The following CDH20 variants were observed in gnomAD, a reference collection of about 807,000 sequenced individuals.
CDH20 encodes cadherin-20.
A neutral mutation model predicts 74.2 loss-of-function variants in CDH20; 29 were observed. The ratio of observed to expected loss-of-function variants is 0.39; its 90% confidence interval spans 0.29 to 0.53. CDH20 has a LOEUF of 0.53. Among genes scored for constraint, CDH20 ranks in the 20% least tolerant of loss-of-function variants. The probability of loss-of-function intolerance (pLI) is 0.69; values close to 1 mark genes in which losing one functional copy is unlikely to be tolerated. For synonymous variants in CDH20, 469 were observed against 405.4 expected, an observed-to-expected ratio of 1.16 and a Z score of -1.88; for missense variants, 988 against 1,048.3, an observed-to-expected ratio of 0.94 and a Z score of 0.79.
intron 1 of CDH20, among the ~76,000 whole-genome samples, chr18:61,451,674 G>C (rs539010556): frequency 6.6e-6 from 1 of 152,078 alleles, no homozygotes; most frequent in East Asian, 1.9e-4. Flanking sequence ...TAAATTTATT[G>C]GGAAAAGAGT....
chr18:61,434,394 T>G (rs894904140), intron 1 of CDH20, among the ~76,000 whole-genome samples: 6 of 152,172 alleles, frequency 3.9e-5, no homozygotes, highest in Non-Finnish European at 7.3e-5. Flanking sequence ...ATTTTATGTC[T>G]TCAAAGTATC....
At chr18:61,473,666 C>T (rs975112470) in intron 1 of CDH20, among the ~76,000 whole-genome samples, 1 of 152,148 alleles carries the variant, frequency 6.6e-6, no homozygotes, top group Non-Finnish European at 1.5e-5. Flanking sequence ...ATCTTTGTGG[C>T]TTCATTACAT....
intron 1 of CDH20, among the ~76,000 whole-genome samples, chr18:61,340,856 A>G (rs139610847): frequency 1.2e-3 from 181 of 152,352 alleles, no homozygotes; most frequent in Non-Finnish European, 2.2e-3. Context: ...TTTCATTTAG[A>G]AGTAATCTTA....
At chr18:61,432,247 A>C (rs1241394366) in intron 1 of CDH20, among the ~76,000 whole-genome samples, 1 of 146,502 alleles carries the variant, frequency 6.8e-6, no homozygotes, top group Non-Finnish European at 1.5e-5. Context: ...TCTATCTCAA[A>C]AAAAAAAAAA....
intron 7 of CDH20, among the ~76,000 whole-genome samples, chr18:61,529,317 C>T (rs1018052196): frequency 6.6e-6 from 1 of 152,180 alleles, no homozygotes; most frequent in Non-Finnish European, 1.5e-5. Context: ...CTTCTCTCAC[C>T]TAGTGCTGTT....
chr18:61,406,402 A>G (rs984380055), intron 1 of CDH20, among the ~76,000 whole-genome samples: 2 of 152,188 alleles, frequency 1.3e-5, no homozygotes, highest in African/African-American at 4.8e-5. Flanking sequence ...TCAAGCACCT[A>G]TTATGTGCCA....
chr18:61,468,540 C>T (rs896729726), intron 1 of CDH20, among the ~76,000 whole-genome samples: 1 of 152,200 alleles, frequency 6.6e-6, no homozygotes, highest in African/African-American at 2.4e-5. Context: ...TGCTGAGAGA[C>T]TTTTAATGCA....
chr18:61,359,395 A>T (rs1219233837), intron 1 of CDH20, among the ~76,000 whole-genome samples: 1 of 152,024 alleles, frequency 6.6e-6, no homozygotes, highest in Non-Finnish European at 1.5e-5. Flanking sequence ...AAAAAAAATA[A>T]AATAAAAAAG....
chr18:61,552,162 T>C (rs1913458342), intron 11 of CDH20, among the ~76,000 whole-genome samples: 1 of 115,444 alleles, frequency 8.7e-6, no homozygotes, highest in South Asian at 3.0e-4. Flanking sequence ...ATAAATTAAT[T>C]CTGACTTCCT....
intron 1 of CDH20, among the ~76,000 whole-genome samples, chr18:61,339,948 G>T (rs905852555): frequency 1.3e-5 from 2 of 151,684 alleles, no homozygotes; most frequent in South Asian, 2.1e-4. Context: ...CCTCGGCCTC[G>T]CAAAGTGCTG....
chr18:61,368,545 A>G (rs1910932312), intron 1 of CDH20, among the ~76,000 whole-genome samples: 1 of 152,070 alleles, frequency 6.6e-6, no homozygotes, highest in Non-Finnish European at 1.5e-5. Flanking sequence ...ATAATATTTT[A>G]AGAGATTAAA....
At chr18:61,339,139 T>C (rs1909852699) in intron 1 of CDH20, among the ~76,000 whole-genome samples, 1 of 152,118 alleles carries the variant, frequency 6.6e-6, no homozygotes. Flanking sequence ...GGTGAGAAAG[T>C]AGGAAATCTT....
chr18:61,410,904 A>T (rs1912472304), intron 1 of CDH20, among the ~76,000 whole-genome samples: 1 of 152,226 alleles, frequency 6.6e-6, no homozygotes, highest in Non-Finnish European at 1.5e-5. Context: ...GCAATTAAAA[A>T]TATGTATAAG....
intron 1 of CDH20, among the ~76,000 whole-genome samples, chr18:61,416,776 A>T (rs1912701047): frequency 6.6e-6 from 1 of 152,256 alleles, no homozygotes; most frequent in Non-Finnish European, 1.5e-5. Flanking sequence ...CACTGCCACT[A>T]CCAATAATGG....
chr18:61,452,549 T>C (rs886605132), intron 1 of CDH20, among the ~76,000 whole-genome samples: 1 of 152,174 alleles, frequency 6.6e-6, no homozygotes, highest in African/African-American at 2.4e-5. Flanking sequence ...AGTTTTATAA[T>C]ACCAGTAAAA....
intron 1 of CDH20, among the ~76,000 whole-genome samples, chr18:61,468,498 T>G (rs954945356): frequency 3.3e-5 from 5 of 152,136 alleles, no homozygotes; most frequent in Non-Finnish European, 7.4e-5. Context: ...TCTAAGAATA[T>G]TCTTTTTCTT....
chr18:61,396,181 C>T (rs1207895100), intron 1 of CDH20, among the ~76,000 whole-genome samples: 1 of 152,102 alleles, frequency 6.6e-6, no homozygotes, highest in Non-Finnish European at 1.5e-5. Flanking sequence ...AGAGAGACTA[C>T]AGAAGAGTGC....
chr18:61,396,405 C>CT (rs138701800), intron 1 of CDH20, among the ~76,000 whole-genome samples: 4,683 of 151,172 alleles, frequency 0.031, 247 homozygotes, highest in African/African-American at 0.11. Context: ...CCTGTTCATC[C>CT]TTTTTTTTTA....
At chr18:61,489,708 T>C (rs949788357) in intron 1 of CDH20, among the ~76,000 whole-genome samples, 1 of 152,024 alleles carries the variant, frequency 6.6e-6, no homozygotes, top group Non-Finnish European at 1.5e-5. Context: ...TTAAAGTCTG[T>C]TGTGAAGGAT....
Sources: gnomAD v4.1 joint callset for allele counts (sites outside exome capture counted in the v4.1 genomes callset) on GRCh38, gnomAD v4.1.1 for gene constraint, MANE v1.5 for transcripts, NCBI Gene and HGNC (gene_info 2026-07-23, HGNC 2026-07-21) for gene names.